Variants in DMGDH observed in about 807,000 individuals in gnomAD.
DMGDH encodes dimethylglycine dehydrogenase, mitochondrial.
In DMGDH, 76 loss-of-function variants were observed where a neutral mutation model predicts 95.2. The ratio of observed to expected loss-of-function variants is 0.80; its 90% CI spans 0.66 to 0.97. The LOEUF is 0.97. Ranked by LOEUF, DMGDH falls within the 50% of genes least tolerant of loss-of-function variation. DMGDH has a pLI of 0.00. For synonymous variants in DMGDH, 345 were observed against 377.6 expected, an observed-to-expected ratio of 0.91 and a Z score of 1.00; for missense variants, 987 against 1,055.0, an observed-to-expected ratio of 0.94 and a Z score of 0.89.
At chr5:79,000,773 A>G (rs1753438722) in intron 15 of DMGDH, 1 of 634,640 alleles carries the variant, frequency 1.6e-6, no homozygotes. Context: ...TTTGGGAGGA[A>G]AAGAAACTTA....
At chr5:79,008,647 C>A (rs1309846142) in intron 14 of DMGDH, among the ~76,000 whole-genome samples, 1 of 151,990 alleles carries the variant, frequency 6.6e-6, no homozygotes, top group East Asian at 1.9e-4. Context: ...GAAAAGGAGA[C>A]TAACTCTACC....
At chr5:79,041,747 C>A (rs1194149514) in intron 7 of DMGDH, among the ~76,000 whole-genome samples, 2 of 152,116 alleles carry the variant, frequency 1.3e-5, no homozygotes, top group African/African-American at 4.8e-5. Flanking sequence ...GTAATCCCAG[C>A]ACTTTGGGAG....
chr5:79,052,326 A>T (rs1754892368), intron 4 of DMGDH, among the ~76,000 whole-genome samples: 1 of 152,164 alleles, frequency 6.6e-6, no homozygotes. Flanking sequence ...TCATAGAATG[A>T]GTTGAGAGGC....
At chr5:79,009,518 C>T (rs988669791) in intron 14 of DMGDH, among the ~76,000 whole-genome samples, 2 of 152,040 alleles carry the variant, frequency 1.3e-5, no homozygotes, top group African/African-American at 4.8e-5. Context: ...CACCACCAGG[C>T]CTTGCTAATT....
intron 14 of DMGDH, 139 bp from the exon 15 acceptor site, chr5:79,005,546 T>C: frequency 8.3e-7 from 1 of 1,201,168 alleles, no homozygotes; most frequent in Non-Finnish European, 1.2e-6. Context: ...ATCATATGTC[T>C]AGACAAATAT....
rs140200206 is a variant in DMGDH at position 79,001,310 on chromosome 5, A to G, written c.2386-3013T>C. Among the ~76,000 whole-genome samples, 12 of 152,230 alleles carry G rather than the reference A, an allele frequency of 7.9e-5. No individual in the cohort carries two copies. In the East Asian group the frequency reaches 1.9e-3, roughly 25 times the overall value. ...CCTGAGTAGCTGGGACTACAGGTGT[A>G]CACCACCATGCCTGGCCAATTTTTG... On this transcript the variant is annotated intron_variant, in intron 15 of 15. Transcript: ENST00000255189.
chr5:79,054,315 G>C lies in DMGDH; in HGVS notation c.409C>G (p.Leu137Val), dbSNP rs998937375. The change falls in exon 4 of 16, where the codon CTT (leucine) becomes GTT (valine). Residue 137 changes from leucine to valine, a missense_variant. Physicochemically the swap from Leu to Val is conservative, Grantham distance 32. Transcript: ENST00000255189. ...TCTACCCTTACAGGGGTGGTAGCAA[G>C]TCTGATACTACCTGGCTGATGGAAT... ...VGFHQPGSIR[L>V]ATTPVRVDEF... is the part of the protein sequence containing the mutation. 1.2e-6 allele frequency: 2 copies of C among 1,614,028 alleles called. No homozygotes were observed. The highest frequency in any genetic ancestry group is 1.3e-5 in the African/African-American group (1 of 75,022).
chr5:79,053,382 T>C (rs1754922891), intron 4 of DMGDH, among the ~76,000 whole-genome samples: 1 of 152,124 alleles, frequency 6.6e-6, no homozygotes, highest in Non-Finnish European at 1.5e-5. Context: ...CCTAGGCTAA[T>C]CTTGAACTCC....
intron 14 of DMGDH, among the ~76,000 whole-genome samples, chr5:79,017,427 T>G (rs1210663937): frequency 6.6e-6 from 1 of 152,142 alleles, no homozygotes; most frequent in Non-Finnish European, 1.5e-5. Flanking sequence ...TCATTTGACA[T>G]TAAGGAAATA....
chr5:79,038,709 T>C (rs1754417955), intron 7 of DMGDH, among the ~76,000 whole-genome samples: 1 of 152,206 alleles, frequency 6.6e-6, no homozygotes, highest in Non-Finnish European at 1.5e-5. Flanking sequence ...GAGATGACTC[T>C]TGTGGAGAGG....
chr5:79,049,690 T>G (rs767727162), intron 5 of DMGDH, among the ~76,000 whole-genome samples: 1 of 152,220 alleles, frequency 6.6e-6, no homozygotes, highest in Non-Finnish European at 1.5e-5. Context: ...CAGAGATTCC[T>G]AAGGACATTA....
chr5:79,046,068 GT>G (rs1754664046), intron 5 of DMGDH, among the ~76,000 whole-genome samples: 1 of 125,632 alleles, frequency 8.0e-6, no homozygotes, highest in Non-Finnish European at 1.5e-5. Flanking sequence ...GTTTTGTTTT[GT>G]TTTGTTTTGT....
chr5:79,042,794 G>C (rs1321914809), intron 6 of DMGDH, among the ~76,000 whole-genome samples: 1 of 151,816 alleles, frequency 6.6e-6, no homozygotes, highest in Non-Finnish European at 1.5e-5. Flanking sequence ...ACTATAATTT[G>C]GTTTGTCAAG....
At chr5:79,012,947 T>C (rs2112605232) in intron 14 of DMGDH, among the ~76,000 whole-genome samples, 1 of 152,358 alleles carries the variant, frequency 6.6e-6, no homozygotes, top group South Asian at 2.1e-4. Flanking sequence ...AAGACCTTTT[T>C]CCCCAGTGTT....
In DMGDH at chr5:78,998,220, T is replaced by C. The variant is rs1220154573; in HGVS notation, c.2463A>G (p.Gln821=). 1.2e-6 allele frequency: 2 copies of C among 1,614,238 alleles called. No individual in the cohort carries two copies. Among genetic ancestry groups the C allele is most frequent in the Admixed American group, 1.7e-5 (1 of 60,030 alleles). Residue 821 remains glutamine, a synonymous_variant, in exon 16 of 16, where the codon CAA becomes CAG. Coordinates refer to ENST00000255189, the MANE Select transcript of DMGDH (RefSeq NM_013391.3). ...CCACTTGCTGTCCCACTTCACTTAG[T>C]TGTACAGGGACATATGCGAAAGCCA... ...KSLAFAYVPV[Q]LSEVGQQVEV... is the part of the protein sequence containing the mutation.
chr5:79,035,631 G>T (rs1368713817), intron 7 of DMGDH, among the ~76,000 whole-genome samples: 1 of 149,166 alleles, frequency 6.7e-6, no homozygotes, highest in South Asian at 2.2e-4. Context: ...AGCCAGGGGT[G>T]CTTTGATTTC....
At chr5:79,030,514 C>A in intron 10 of DMGDH, 1 of 300,220 alleles carries the variant, frequency 3.3e-6, no homozygotes, top group Non-Finnish European at 6.4e-6. Context: ...GGCATGGTGG[C>A]ACATGCCTGT....
chr5:79,061,266 C>A (rs914682578), intron 2 of DMGDH, among the ~76,000 whole-genome samples: 1 of 123,258 alleles, frequency 8.1e-6, no homozygotes, highest in Non-Finnish European at 1.6e-5. Flanking sequence ...CACACACACA[C>A]AAACACCTAA....
At position 79,032,711 on chromosome 5, in the gene DMGDH, T is replaced by A; in HGVS notation, c.1493A>T (p.Lys498Ile). The stretch of plus-strand genomic sequence containing the variant: ...CCTGTACTGAGTGTCCTGGCCTGGT[T>A]TGTAGAACCAGTGCGGCTGCTCCCA... ...AGWEQPHWFY[K>I]PGQDTQYRPS... Residue 498 changes from lysine (K) to isoleucine (I), a missense_variant, in exon 9 of 16, where the codon AAA becomes ATA. By Grantham distance (102) the Lys-to-Ile change is moderately radical (BLOSUM62 -3). Transcript: ENST00000255189. 6.2e-7 allele frequency: 1 copy of A among 1,614,168 alleles called. No homozygotes were observed. Among genetic ancestry groups the A allele is most frequent in the South Asian group, 1.1e-5 (1 of 91,080 alleles).
Sources: allele counts gnomAD v4.1 joint callset (sites outside exome capture counted in the v4.1 genomes callset), GRCh38; gene constraint gnomAD v4.1.1; transcripts MANE v1.5; gene names NCBI Gene and HGNC (gene_info 2026-07-23, HGNC 2026-07-21).